PGM1: variants seen among roughly 807,000 people sequenced by gnomAD.
The protein encoded by PGM1 is phosphoglucomutase-1.
PGM1 carries 52 observed loss-of-function variants against 55.6 expected under a neutral mutation model. The observed-to-expected ratio is 0.94, with a 90% CI of 0.75 to 1.18. The LOEUF is 1.18. PGM1 is among the 50% of genes most tolerant of loss of function. The pLI is 0.00. For synonymous variants in PGM1, 287 were observed against 271.7 expected, an observed-to-expected ratio of 1.06 and a Z score of -0.55; for missense variants, 724 against 729.3, an observed-to-expected ratio of 0.99 and a Z score of 0.08.
At chr1:63,624,977 A>T (rs1371943912) in intron 1 of PGM1, among the ~76,000 whole-genome samples, 1 of 152,258 alleles carries the variant, frequency 6.6e-6, no homozygotes, top group African/African-American at 2.4e-5. Flanking sequence ...CACATTTTTA[A>T]GATAAAATGT....
intron 7 of PGM1, among the ~76,000 whole-genome samples, chr1:63,644,067 T>G (rs1649591026): frequency 6.6e-6 from 1 of 152,256 alleles, no homozygotes; most frequent in Admixed American, 6.5e-5. Flanking sequence ...GCTCCTGAGA[T>G]GCCCATACTG....
intron 6 of PGM1, among the ~76,000 whole-genome samples, chr1:63,636,702 A>T (rs1649372865): frequency 6.6e-6 from 1 of 152,058 alleles, no homozygotes; most frequent in South Asian, 2.1e-4. Flanking sequence ...CACCATCTGG[A>T]CTCTGCCTGA....
intron 1 of PGM1, among the ~76,000 whole-genome samples, chr1:63,621,095 T>G (rs1648867610): frequency 6.6e-6 from 1 of 152,190 alleles, no homozygotes; most frequent in African/African-American, 2.4e-5. Flanking sequence ...AGTTCTATAG[T>G]GTTCATAAAA....
At position 63,638,701 on chromosome 1, in the gene PGM1, A is replaced by G. The variant is rs763692864; in HGVS notation, c.1045A>G (p.Lys349Glu). ...CCTTTGAAGGGTGGCTAGTGCTACA[A>G]AGATTGCTTTGTATGAGACCCCAAC... ...GALDRVASAT[K>E]IALYETPTGW... Residue 349 changes from lysine to glutamate, a missense_variant, in exon 7 of 11, where the codon AAG becomes GAG. Lys to Glu is a moderately conservative substitution (Grantham distance 56). Around this residue, in one of 3 missense-constraint regions of PGM1, gnomAD observed 316 missense variants for 313.1 expected, o/e 1.01. Transcript: ENST00000371084. 4 of 1,613,514 alleles carry G rather than the reference A, an allele frequency of 2.5e-6. No homozygotes were observed. The highest frequency in any genetic ancestry group is 3.4e-6 in the Non-Finnish European group (4 of 1,179,452).
intron 1 of PGM1, among the ~76,000 whole-genome samples, chr1:63,613,862 T>C (rs977591017): frequency 7.9e-5 from 12 of 152,198 alleles, no homozygotes; most frequent in Middle Eastern, 3.4e-3. Flanking sequence ...TGGGATCTAT[T>C]TCCTCTTAAT....
rs1649131445 is a variant in PGM1, at chr1:63,629,473, G to A, written c.295G>A (p.Val99Ile). Residue 99 changes from valine (V) to isoleucine (I), a missense_variant, in exon 2 of 11, where the codon GTA (valine) becomes ATA (isoleucine). Physicochemically the swap from Val to Ile is conservative, Grantham distance 29. Coordinates refer to ENST00000371084, the MANE Select transcript of PGM1 (RefSeq NM_002633.3). ...GQNGILSTPA[V>I]SCIIRKIKAI... ...GAATGGAATCCTCTCCACCCCTGCTGTATCCTGCATCATTAGAAAAATCAA... is the reference window on the plus strand; with the variant it reads ...GAATGGAATCCTCTCCACCCCTGCTATATCCTGCATCATTAGAAAAATCAA... The A allele has an allele frequency of 2.5e-6, 4 of 1,613,706 alleles. No individual in the cohort carries two copies. Among genetic ancestry groups the A allele is most frequent in the Non-Finnish European group, 3.4e-6 (4 of 1,179,664 alleles).
At chr1:63,595,762 G>A (rs931992961) in intron 1 of PGM1, among the ~76,000 whole-genome samples, 1 of 152,146 alleles carries the variant, frequency 6.6e-6, no homozygotes, top group Admixed American at 6.6e-5. Flanking sequence ...GGAGCTTACA[G>A]CAGAGTGGGA....
intron 1 of PGM1, among the ~76,000 whole-genome samples, chr1:63,622,832 T>C (rs1286163219): frequency 6.6e-6 from 1 of 152,222 alleles, no homozygotes; most frequent in Non-Finnish European, 1.5e-5. Context: ...GGTTTCAAAA[T>C]GACAGTGATG....
chr1:63,659,646 G>A lies in PGM1; in HGVS notation c.1660G>A (p.Gly554Arg), dbSNP rs1222519645. The change falls in exon 11 of 11, where the codon GGA becomes AGA. Residue 554 changes from glycine to arginine, a missense_variant. This residue lies in a region of PGM1 where 316 missense variants were observed against 313.1 expected (regional missense o/e 1.01). Transcript: ENST00000371084. ...LKVSQLQERT[G>R]RTAPTVIT ...AGTGTCCCAGCTGCAGGAGAGGACG[G>A]GACGCACTGCACCCACTGTCATCAC... 2 of 1,613,898 alleles carry A rather than the reference G, an allele frequency of 1.2e-6. No individual in the cohort carries two copies. The highest frequency in any genetic ancestry group is 3.3e-5 in the Admixed American group (2 of 60,002).
chr1:63,646,103 AAGATGAAG>A (rs1400872024), intron 7 of PGM1, among the ~76,000 whole-genome samples: 1 of 152,172 alleles, frequency 6.6e-6, no homozygotes, highest in African/African-American at 2.4e-5. Context: ...TGGGTCTGAA[AAGATGAAG>A]AGAGGAAGGA....
At chr1:63,617,730 C>CAAA (rs34771728) in intron 1 of PGM1, among the ~76,000 whole-genome samples, 102 of 43,274 alleles carry the variant, frequency 2.4e-3, no homozygotes, top group Middle Eastern at 0.017. Flanking sequence ...TGCCTCCCCA[C>CAAA]AAAAAAAAAA....
Position 63,593,551 on chromosome 1 carries a change from G to A in PGM1, c.63G>A (p.Gly21=). 6.2e-7 allele frequency: 1 copy of A among 1,613,948 alleles called. No homozygotes were observed. Among genetic ancestry groups the A allele is most frequent in the Non-Finnish European group, 8.5e-7 (1 of 1,179,954 alleles). Residue 21 remains glycine, a synonymous_variant, in exon 1 of 11, where the codon GGG becomes GGA. Transcript: ENST00000371084. ...AGGACCAGAAGCCGGGCACGAGCGG[G>A]CTGCGGAAGCGGGTGAAGGTGTTCC... ...AYQDQKPGTS[G]LRKRVKVFQS...
chr1:63,624,772 G>A (rs1349027304), intron 1 of PGM1, among the ~76,000 whole-genome samples: 1 of 152,158 alleles, frequency 6.6e-6, no homozygotes. Flanking sequence ...TTCAAAATAT[G>A]CTGAGCAGGT....
chr1:63,634,882 A>T lies in PGM1; in HGVS notation c.736A>T (p.Asn246Tyr). ...ILCEELGAPANSAVNCVPLED... is the reference protein window; with the variant it reads ...ILCEELGAPAYSAVNCVPLED... ...CTGTGAAGAACTCGGTGCCCCTGCG[A>T]ACTCGGCAGTTAACTGCGTTCCTCT... is the stretch of plus-strand genomic sequence containing the variant. The change falls in exon 5 of 11, where the codon AAC becomes TAC. Residue 246 changes from asparagine to tyrosine, a missense_variant. Coordinates refer to ENST00000371084, the MANE Select transcript of PGM1 (RefSeq NM_002633.3). 1 of 1,601,474 alleles carries T rather than the reference A, an allele frequency of 6.2e-7. No individual in the cohort carries two copies. Among genetic ancestry groups the T allele is most frequent in the South Asian group, 1.1e-5 (1 of 89,438 alleles).
intron 1 of PGM1, among the ~76,000 whole-genome samples, chr1:63,622,475 T>C (rs1210376011): frequency 6.6e-6 from 1 of 152,244 alleles, no homozygotes; most frequent in Non-Finnish European, 1.5e-5. Context: ...AAAAACATTT[T>C]ATTAAAAGTC....
intron 7 of PGM1, among the ~76,000 whole-genome samples, chr1:63,643,484 G>A (rs1051663262): frequency 2.0e-5 from 3 of 152,214 alleles, no homozygotes; most frequent in Non-Finnish European, 4.4e-5. Flanking sequence ...TAATGAGGCA[G>A]GTCAGGCCTC....
At chr1:63,629,032 C>T (rs374706015) in intron 1 of PGM1, among the ~76,000 whole-genome samples, 19 of 152,254 alleles carry the variant, frequency 1.2e-4, no homozygotes, top group East Asian at 3.9e-4. Context: ...TCTTTTCTCC[C>T]GTTGTGGATT....
intron 1 of PGM1, chr1:63,594,114 G>A (rs141715361): frequency 9.9e-7 from 1 of 1,010,032 alleles, no homozygotes; most frequent in Non-Finnish European, 1.2e-6. Context: ...TACGATTACG[G>A]CGCAGAGTGC....
intron 1 of PGM1, among the ~76,000 whole-genome samples, chr1:63,612,238 C>T (rs1441565966): frequency 2.0e-5 from 3 of 148,894 alleles, no homozygotes; most frequent in Non-Finnish European, 4.4e-5. Context: ...GCCTGGGGAA[C>T]AAGAGCGAAA....
Sources: gnomAD v4.1 joint callset for allele counts (sites outside exome capture counted in the v4.1 genomes callset) on GRCh38, gnomAD v4.1.1 for gene constraint, gnomAD v4.1.1 regional missense constraint, MANE v1.5 for transcripts, NCBI Gene and HGNC (gene_info 2026-07-23, HGNC 2026-07-21) for gene names.